CFAP299: variants seen among roughly 807,000 people sequenced by gnomAD.
CFAP299 encodes cilia- and flagella-associated protein 299.
Under a neutral mutation model 27.0 loss-of-function variants are expected in CFAP299, and 21 were observed. That is an observed-to-expected ratio of 0.78 (90% CI 0.55 to 1.12). The LOEUF (loss-of-function observed/expected upper bound fraction) is 1.12. Ranked by LOEUF, CFAP299 falls within the 50% of genes most tolerant of loss-of-function variation. CFAP299 has a pLI of 0.00. For synonymous variants in CFAP299, 104 were observed against 98.1 expected, an observed-to-expected ratio of 1.06 and a Z score of -0.36; for missense variants, 310 against 276.6, an observed-to-expected ratio of 1.12 and a Z score of -0.86.
intron 3 of CFAP299, among the ~76,000 whole-genome samples, chr4:80,823,871 T>C (rs955484866): frequency 6.6e-6 from 1 of 152,162 alleles, no homozygotes; most frequent in African/African-American, 2.4e-5. Flanking sequence ...GTAGAGCCTT[T>C]TGTAAAAATG....
At chr4:80,690,782 T>C (rs1467795731) in intron 3 of CFAP299, among the ~76,000 whole-genome samples, 1 of 151,070 alleles carries the variant, frequency 6.6e-6, no homozygotes, top group Admixed American at 6.6e-5. Context: ...ATCAACAAAA[T>C]TGATAGACCG....
chr4:80,675,096 A>T (rs988048236), intron 3 of CFAP299, among the ~76,000 whole-genome samples: 2 of 152,150 alleles, frequency 1.3e-5, no homozygotes, highest in Non-Finnish European at 2.9e-5. Context: ...TTTGGACCAG[A>T]AGAGGTGCTT....
intron 2 of CFAP299, among the ~76,000 whole-genome samples, chr4:80,472,291 G>A (rs1014016147): frequency 6.6e-5 from 10 of 152,196 alleles, no homozygotes; most frequent in African/African-American, 2.2e-4. Context: ...GTATTTTGAG[G>A]CTTCTTAGGT....
At chr4:80,568,548 A>G (rs980530078) in intron 2 of CFAP299, among the ~76,000 whole-genome samples, 2 of 152,132 alleles carry the variant, frequency 1.3e-5, no homozygotes, top group African/African-American at 4.8e-5. Context: ...TGTTGTGGTG[A>G]TCACATTATT....
At chr4:80,345,412 T>G in intron 1 of CFAP299, among the ~76,000 whole-genome samples, 1 of 151,142 alleles carries the variant, frequency 6.6e-6, no homozygotes, top group African/African-American at 2.4e-5. Flanking sequence ...CTCCCAATGC[T>G]ATCCCTCCCC....
At chr4:80,478,249 G>A (rs974797963) in intron 2 of CFAP299, among the ~76,000 whole-genome samples, 1 of 152,044 alleles carries the variant, frequency 6.6e-6, no homozygotes, top group African/African-American at 2.4e-5. Flanking sequence ...TTTCCATTTA[G>A]AAACACAGAA....
chr4:80,858,276 T>C (rs1349581115), intron 3 of CFAP299, among the ~76,000 whole-genome samples: 3 of 151,894 alleles, frequency 2.0e-5, no homozygotes, highest in African/African-American at 4.8e-5. Flanking sequence ...TTTTTTATTG[T>C]GTCTATTTGA....
At chr4:80,737,697 C>G (rs1245115743) in intron 3 of CFAP299, among the ~76,000 whole-genome samples, 1 of 151,020 alleles carries the variant, frequency 6.6e-6, no homozygotes, top group Non-Finnish European at 1.5e-5. Flanking sequence ...GAAGGTTTAT[C>G]AACTTTGTTT....
At chr4:80,396,993 G>A (rs1725836342) in intron 2 of CFAP299, among the ~76,000 whole-genome samples, 1 of 152,128 alleles carries the variant, frequency 6.6e-6, no homozygotes, top group African/African-American at 2.4e-5. Flanking sequence ...GAATTTGGCT[G>A]TGAATCCATC....
At chr4:80,921,049 A>T (rs1407957151) in intron 4 of CFAP299, among the ~76,000 whole-genome samples, 1 of 151,990 alleles carries the variant, frequency 6.6e-6, no homozygotes, top group Non-Finnish European at 1.5e-5. Flanking sequence ...AGCGTTTCCC[A>T]CACATTAATT....
At chr4:80,723,517 C>T (rs1011454907) in intron 3 of CFAP299, among the ~76,000 whole-genome samples, 2 of 151,536 alleles carry the variant, frequency 1.3e-5, no homozygotes, top group East Asian at 1.9e-4. Context: ...CTAAAAAAAA[C>T]GCAAACTAAT....
chr4:80,936,371 A>G (rs547533136), intron 4 of CFAP299, among the ~76,000 whole-genome samples: 2 of 152,300 alleles, frequency 1.3e-5, no homozygotes, highest in Admixed American at 1.3e-4. Flanking sequence ...AATAGCAAAG[A>G]CATGCAATTA....
At chr4:80,584,835 A>C (rs188826191) in intron 3 of CFAP299, among the ~76,000 whole-genome samples, 3 of 152,058 alleles carry the variant, frequency 2.0e-5, no homozygotes, top group Admixed American at 6.6e-5. Context: ...GAGGCATCGT[A>C]CTAACTGCTT....
At chr4:80,551,652 A>G (rs3943169) in intron 2 of CFAP299, among the ~76,000 whole-genome samples, 57,385 of 151,938 alleles carry the variant, frequency 0.38, 14,233 homozygotes, top group African/African-American at 0.71. Context: ...ACATGGAAAT[A>G]TATTTGTATA....
At chr4:80,878,256 G>A (rs1733520027) in intron 4 of CFAP299, among the ~76,000 whole-genome samples, 2 of 152,046 alleles carry the variant, frequency 1.3e-5, no homozygotes, top group South Asian at 4.1e-4. Flanking sequence ...TAAAAACACA[G>A]GACCCTTGTC....
At chr4:80,708,043 A>G (rs974091085) in intron 3 of CFAP299, among the ~76,000 whole-genome samples, 1 of 152,104 alleles carries the variant, frequency 6.6e-6, no homozygotes, top group African/African-American at 2.4e-5. Flanking sequence ...GTTCTAAATC[A>G]GAAAATCAGG....
chr4:80,956,300 C>T (rs1284950829), intron 5 of CFAP299, among the ~76,000 whole-genome samples: 1 of 152,042 alleles, frequency 6.6e-6, no homozygotes, highest in African/African-American at 2.4e-5. Context: ...TTTCCCATGC[C>T]CTATTTATTT....
At chr4:80,495,616 A>G (rs930114084) in intron 2 of CFAP299, among the ~76,000 whole-genome samples, 2 of 152,248 alleles carry the variant, frequency 1.3e-5, no homozygotes, top group African/African-American at 4.8e-5. Context: ...AGCCTGGACA[A>G]CACAAACCCT....
intron 2 of CFAP299, among the ~76,000 whole-genome samples, chr4:80,404,939 G>T (rs926133053): frequency 6.6e-6 from 1 of 152,044 alleles, no homozygotes; most frequent in Non-Finnish European, 1.5e-5. Context: ...CCAAGTCAAC[G>T]CTTCTTATTT....
Sources: allele counts gnomAD v4.1 joint callset (sites outside exome capture counted in the v4.1 genomes callset), GRCh38; gene constraint gnomAD v4.1.1; transcripts MANE v1.5; gene names NCBI Gene and HGNC (gene_info 2026-07-23, HGNC 2026-07-21).